The following CAST variants were observed in gnomAD, a reference collection of about 807,000 sequenced individuals.
The protein encoded by CAST is MIR583 host.
Under a neutral mutation model 119.6 loss-of-function variants are expected in CAST, and 76 were observed. That is an observed-to-expected ratio of 0.64 (90% CI 0.53 to 0.77). The LOEUF is 0.77. CAST is among the 30% of genes least tolerant of loss of function. The pLI, the probability that CAST is intolerant of heterozygous loss-of-function variation, is 0.00. For synonymous variants in CAST, 319 were observed against 331.6 expected, an observed-to-expected ratio of 0.96 and a Z score of 0.41; for missense variants, 953 against 946.5, an observed-to-expected ratio of 1.01 and a Z score of -0.09.
At chr5:96,680,305 AG>A (rs1470604925) in intron 2 of CAST, among the ~76,000 whole-genome samples, 1 of 145,938 alleles carries the variant, frequency 6.9e-6, no homozygotes, top group African/African-American at 2.6e-5. Flanking sequence ...CAGGGAGCCA[AG>A]ATCACACCAC....
chr5:96,525,315 T>C (rs2150176017), upstream of CAST: 1 of 152,328 alleles, frequency 6.6e-6, no homozygotes, highest in Admixed American at 6.5e-5. Context: ...CTCCATTGGC[T>C]CTCATGATGG....
the CAST span, among the ~76,000 whole-genome samples, chr5:96,336,279 A>C: frequency 3.9e-5 from 6 of 152,212 alleles, no homozygotes; most frequent in African/African-American, 1.4e-4. Flanking sequence ...ATTTACCAAT[A>C]AATATGTTTT....
the CAST span, among the ~76,000 whole-genome samples, chr5:96,293,565 C>T: frequency 7.3e-5 from 11 of 150,570 alleles, no homozygotes; most frequent in Middle Eastern, 3.5e-3. Flanking sequence ...CATGAGCCAC[C>T]GCGCCTGGCC....
the CAST span, among the ~76,000 whole-genome samples, chr5:96,417,028 G>A: frequency 9.7e-3 from 1,474 of 152,312 alleles, 31 homozygotes; most frequent in African/African-American, 0.034. Context: ...AGAGTGTGAA[G>A]GCTGTTGGTG....
At chr5:96,410,911 C>A in the CAST span, 1 of 1,614,076 alleles carries the variant, frequency 6.2e-7, no homozygotes, top group African/African-American at 1.3e-5. Context: ...GTGTAGCCAT[C>A]ACAGTCACAA....
At chr5:96,220,614 C>T in the CAST span, among the ~76,000 whole-genome samples, 1 of 152,200 alleles carries the variant, frequency 6.6e-6, no homozygotes, top group Admixed American at 6.5e-5. Context: ...CTGTTTCAAA[C>T]ATTATTTCTG....
intron 1 of CAST, among the ~76,000 whole-genome samples, chr5:96,555,454 G>T (rs1001861911): frequency 6.6e-6 from 1 of 152,214 alleles, no homozygotes; most frequent in African/African-American, 2.4e-5. Context: ...AGTGCAAGGG[G>T]TCAGGGAATT....
At chr5:96,163,611 TG>T in the CAST span, among the ~76,000 whole-genome samples, 1 of 152,256 alleles carries the variant, frequency 6.6e-6, no homozygotes, top group African/African-American at 2.4e-5. Flanking sequence ...AAAAGGATAT[TG>T]TTTTTAACAG....
chr5:96,455,060 T>G, the CAST span, among the ~76,000 whole-genome samples: 1 of 152,200 alleles, frequency 6.6e-6, no homozygotes, highest in African/African-American at 2.4e-5. Flanking sequence ...ATAAAGGTAT[T>G]TTAAAAATAA....
chr5:96,178,345 G>T, the CAST span, among the ~76,000 whole-genome samples: 5 of 152,078 alleles, frequency 3.3e-5, no homozygotes, highest in African/African-American at 7.2e-5. Flanking sequence ...CAGACAAAAA[G>T]CCTTCCAGGT....
intron 4 of CAST, among the ~76,000 whole-genome samples, chr5:96,724,572 TATA>T (rs1403199546): frequency 6.6e-6 from 1 of 152,144 alleles, no homozygotes; most frequent in Non-Finnish European, 1.5e-5. Context: ...GGCCCACACC[TATA>T]ATCCCAGCAT....
the CAST span, among the ~76,000 whole-genome samples, chr5:96,065,470 T>C: frequency 6.6e-6 from 1 of 152,014 alleles, no homozygotes; most frequent in African/African-American, 2.4e-5. Context: ...TTGAGCTGTA[T>C]GTTTAAAACT....
the CAST span, among the ~76,000 whole-genome samples, chr5:96,053,921 G>A: frequency 6.6e-6 from 1 of 152,104 alleles, no homozygotes; most frequent in African/African-American, 2.4e-5. Flanking sequence ...CTCCACTACA[G>A]CTTTAGAAAA....
At chr5:96,313,758 T>A in the CAST span, among the ~76,000 whole-genome samples, 1 of 152,220 alleles carries the variant, frequency 6.6e-6, no homozygotes, top group Non-Finnish European at 1.5e-5. Context: ...TTGGTTTGCA[T>A]TCTCTTCAGC....
intron 9 of CAST, among the ~76,000 whole-genome samples, chr5:96,732,761 T>C (rs1177039765): frequency 6.6e-6 from 1 of 152,096 alleles, no homozygotes; most frequent in Admixed American, 6.5e-5. Context: ...GATCCCTTCC[T>C]TACACCTTAT....
the CAST span, among the ~76,000 whole-genome samples, chr5:96,456,703 A>G: frequency 6.6e-6 from 1 of 152,196 alleles, no homozygotes; most frequent in Admixed American, 6.5e-5. Context: ...CTTCTGTCTC[A>G]TGAGGGATCT....
chr5:96,437,536 T>C, the CAST span, among the ~76,000 whole-genome samples: 2 of 152,232 alleles, frequency 1.3e-5, no homozygotes, highest in Non-Finnish European at 2.9e-5. Context: ...CTGTCTCTGC[T>C]CCTGAAGTAT....
chr5:96,301,894 G>A, the CAST span, among the ~76,000 whole-genome samples: 1 of 152,174 alleles, frequency 6.6e-6, no homozygotes, highest in African/African-American at 2.4e-5. Flanking sequence ...GGGATCTGGA[G>A]GACAGTGGCC....
the CAST span, among the ~76,000 whole-genome samples, chr5:96,502,036 T>C: frequency 2.0e-5 from 3 of 152,276 alleles, no homozygotes; most frequent in African/African-American, 7.2e-5. Context: ...ACACAGGACT[T>C]TATTTTTCTC....
Sources: allele counts gnomAD v4.1 joint callset (sites outside exome capture counted in the v4.1 genomes callset), GRCh38; gene constraint gnomAD v4.1.1; transcripts MANE v1.5; gene names NCBI Gene and HGNC (gene_info 2026-07-23, HGNC 2026-07-21).